Variants in HTN3 observed in about 807,000 individuals in gnomAD.
HTN3 encodes histatin 3.
In HTN3, 15 loss-of-function variants were observed where a neutral mutation model predicts 10.6. That is an observed-to-expected ratio of 1.42 (90% CI 0.95 to 2.18). The LOEUF is 2.18. Among genes scored for constraint, HTN3 ranks in the 30% most tolerant of loss-of-function variants. The probability of loss-of-function intolerance (pLI) is 0.00; values close to 1 mark genes in which losing one functional copy is unlikely to be tolerated. For missense variants in HTN3, 68 were observed against 58.0 expected (o/e 1.17, Z -0.56); for synonymous variants, 15 against 16.9 (o/e 0.89, Z 0.27).
At chr4:70,035,274 C>T (rs1475496507) in intron 5 of HTN3, among the ~76,000 whole-genome samples, 3 of 152,116 alleles carry the variant, frequency 2.0e-5, no homozygotes, top group Non-Finnish European at 2.9e-5. Context: ...CTGACCCTGA[C>T]AACTAGTTTC....
At chr4:70,030,922 C>T (rs1287348662) in intron 2 of HTN3, 131 bp downstream of exon 2, 40 of 727,028 alleles carry the variant, frequency 5.5e-5, no homozygotes, top group Non-Finnish European at 8.5e-5. Context: ...TAAAGATTTT[C>T]CTTGAATTAA....
At chr4:70,035,292 T>C (rs888251639) in intron 5 of HTN3, among the ~76,000 whole-genome samples, 6 of 152,208 alleles carry the variant, frequency 3.9e-5, no homozygotes, top group African/African-American at 1.4e-4. Flanking sequence ...TTCATGACCT[T>C]AAAGTATTCC....
chr4:70,031,057 G>A, intron 2 of HTN3: 1 of 297,426 alleles, frequency 3.4e-6, no homozygotes, highest in South Asian at 4.3e-5. Flanking sequence ...GTGGGACTGA[G>A]AACTGTGAAA....
chr4:70,034,634 A>G (rs1008011336), intron 5 of HTN3, among the ~76,000 whole-genome samples: 5 of 152,224 alleles, frequency 3.3e-5, no homozygotes, highest in African/African-American at 1.2e-4. Flanking sequence ...CCATTGTGGA[A>G]AACTATGGAT....
At chr4:70,029,850 C>A (rs1314222363) in intron 1 of HTN3, among the ~76,000 whole-genome samples, 1 of 151,982 alleles carries the variant, frequency 6.6e-6, no homozygotes, top group Admixed American at 6.6e-5. Context: ...AATCATTTTC[C>A]CTGTGACTTC....
At chr4:70,031,235 TTTC>T (rs1725375733) in intron 2 of HTN3, 1 of 157,740 alleles carries the variant, frequency 6.3e-6, no homozygotes, top group African/African-American at 2.4e-5. Context: ...TATTTTACTC[TTTC>T]TAAAATAAAG....
rs113261238 is a variant in HTN3 at position 70,032,033 on chromosome 4, A to G, written c.72+34A>G. 6.4e-6 allele frequency: 10 copies of G among 1,551,622 alleles called. No individual in the cohort carries two copies. The African/African-American group carries it at 9.5e-5, about 15-fold the overall frequency. On this transcript the variant is annotated intron_variant, in intron 3 of 5. Transcript: ENST00000673563. ...TTTTCATTTACTGGAAAACTTGATAATTAATCATATATTGAATTTTTAATC... is the reference window on the plus strand; with the variant it reads ...TTTTCATTTACTGGAAAACTTGATAGTTAATCATATATTGAATTTTTAATC...
intron 1 of HTN3, among the ~76,000 whole-genome samples, chr4:70,030,299 T>C (rs2109706590): frequency 6.6e-6 from 1 of 152,304 alleles, no homozygotes; most frequent in Admixed American, 6.5e-5. Flanking sequence ...CTTAGCATAT[T>C]AATAATTCCA....
chr4:70,029,034 C>A (rs546496712), intron 1 of HTN3, among the ~76,000 whole-genome samples: 2 of 152,028 alleles, frequency 1.3e-5, no homozygotes, highest in Admixed American at 6.5e-5. Context: ...CTCAATCTTA[C>A]TAATTTATTT....
intron 5 of HTN3, 36 bp from the exon 6 acceptor site, chr4:70,036,231 T>C (rs1017618167): frequency 6.6e-6 from 1 of 152,046 alleles, no homozygotes; most frequent in Non-Finnish European, 1.5e-5. Flanking sequence ...GAATATCAAT[T>C]TGGGCGATAA....
At chr4:70,035,705 G>A (rs1369691780) in intron 5 of HTN3, among the ~76,000 whole-genome samples, 3 of 152,062 alleles carry the variant, frequency 2.0e-5, no homozygotes, top group Non-Finnish European at 4.4e-5. Context: ...AGCATAAAAT[G>A]TTCCAAAATC....
intron 4 of HTN3, 123 bp downstream of exon 4, chr4:70,032,230 T>C: frequency 5.5e-6 from 4 of 722,806 alleles, no homozygotes; most frequent in Non-Finnish European, 9.1e-6. Flanking sequence ...AAGTGTACAT[T>C]GATTTCATTT....
At chr4:70,032,833 T>A (rs1725419479) in intron 4 of HTN3, among the ~76,000 whole-genome samples, 1 of 152,096 alleles carries the variant, frequency 6.6e-6, no homozygotes. Flanking sequence ...CTCCCCGTTA[T>A]ACTCAATGTT....
At chr4:70,032,166 C>G in intron 4 of HTN3, 59 bp downstream of exon 4, 1 of 1,074,860 alleles carries the variant, frequency 9.3e-7, no homozygotes, top group Non-Finnish European at 1.4e-6. Flanking sequence ...ACTATTTATT[C>G]TCCTAGAATA....
intron 4 of HTN3, among the ~76,000 whole-genome samples, chr4:70,032,515 A>G (rs1314666668): frequency 6.6e-6 from 1 of 152,072 alleles, no homozygotes; most frequent in African/African-American, 2.4e-5. Flanking sequence ...TAAAGTCTTT[A>G]AATTAAACTT....
chr4:70,035,777 T>C (rs1725500606), intron 5 of HTN3, among the ~76,000 whole-genome samples: 1 of 152,220 alleles, frequency 6.6e-6, no homozygotes, highest in Non-Finnish European at 1.5e-5. Context: ...AAGAGTACTG[T>C]TCTACAATTC....
At position 70,036,446 on chromosome 4, in the gene HTN3, A is replaced by T. The variant is rs1254355812; in HGVS notation, c.*213A>T. On this transcript the variant is annotated 3_prime_UTR_variant, in exon 6 of 6. Transcript: ENST00000673563. ...AATTATCATTTGATTAGATACTTGC[A>T]ATTTAAATGTTAAGCTGTTTTCACT... The T allele has an allele frequency of 1.3e-5, 2 of 152,214 alleles. No homozygotes were observed. The highest frequency in any genetic ancestry group is 2.9e-5 in the Non-Finnish European group (2 of 68,028). The allele number at this position is 152,214 out of a possible 1,614,324, so 9.4% of individuals were successfully genotyped here. A position where few individuals can be genotyped will look rare whatever the true frequency, so the allele number is the denominator to read the frequency against.
intron 3 of HTN3, 27 bp from the exon 4 acceptor site, chr4:70,032,051 T>A: frequency 6.5e-7 from 1 of 1,536,446 alleles, no homozygotes; most frequent in Non-Finnish European, 9.0e-7. Context: ...TATATTGAAT[T>A]TTTAATCTTT....
chr4:70,034,129 T>C (rs1292859803), intron 5 of HTN3: 1 of 152,084 alleles, frequency 6.6e-6, no homozygotes, highest in East Asian at 1.9e-4. Flanking sequence ...GGTGATATCA[T>C]TCGGGACATA....
Sources: allele counts gnomAD v4.1 joint callset (sites outside exome capture counted in the v4.1 genomes callset), GRCh38; gene constraint gnomAD v4.1.1; transcripts MANE v1.5; gene names NCBI Gene and HGNC (gene_info 2026-07-23, HGNC 2026-07-21).